Variants in FZD3 observed in about 807,000 individuals in gnomAD.
FZD3 encodes frizzled class receptor 3, also known as frizzled-3.
In FZD3, 30 loss-of-function variants were observed where a neutral mutation model predicts 60.7. That is an observed-to-expected ratio of 0.49 (90% confidence interval 0.37 to 0.67). FZD3 has a LOEUF of 0.67. Ranked by LOEUF, FZD3 falls within the 30% of genes least tolerant of loss-of-function variation. The probability of loss-of-function intolerance (pLI) is 0.00; values close to 1 mark genes in which losing one functional copy is unlikely to be tolerated. For missense variants in FZD3, 605 were observed against 838.7 expected (o/e 0.72, Z 3.44); for synonymous variants, 246 against 275.2 (o/e 0.89, Z 1.05).
At chr8:28,520,235 AGG>A (rs1189014550) in intron 3 of FZD3, among the ~76,000 whole-genome samples, 16 of 150,646 alleles carry the variant, frequency 1.1e-4, no homozygotes, top group East Asian at 3.9e-4. Context: ...AAAAAAAAAA[AGG>A]AAGAAAGAAA....
At chr8:28,512,347 G>A (rs1459077135) in intron 3 of FZD3, among the ~76,000 whole-genome samples, 1 of 152,102 alleles carries the variant, frequency 6.6e-6, no homozygotes, top group African/African-American at 2.4e-5. Flanking sequence ...AAGGTAGATA[G>A]CAAAACATTA....
At position 28,564,102 on chromosome 8, in the gene FZD3, A is replaced by G. The variant is rs1805662984; in HGVS notation, c.*1091A>G. The G allele has an allele frequency of 6.6e-6, 1 of 152,658 alleles. No homozygotes were observed. The allele number at this position is 152,658 out of a possible 1,614,324, so 9.5% of individuals were successfully genotyped here. ...TCATTCTTGTTTACAACTGAAATAT[A>G]TATAACCTCAGTCCAAAGTGGTGAT... is the stretch of plus-strand genomic sequence containing the variant. On this transcript the variant is annotated 3_prime_UTR_variant, in exon 8 of 8. Transcript: ENST00000240093.
chr8:28,502,604 T>C (rs372320983), intron 2 of FZD3, 66 bp from the exon 3 acceptor site: 2 of 154,190 alleles, frequency 1.3e-5, no homozygotes, highest in Admixed American at 1.3e-4. Flanking sequence ...ATTTTTAATG[T>C]CAAGTCCATA....
chr8:28,522,824 G>A (rs1310009392), intron 4 of FZD3, among the ~76,000 whole-genome samples: 1 of 139,262 alleles, frequency 7.2e-6, no homozygotes, highest in Non-Finnish European at 1.5e-5. Flanking sequence ...AGGCTGGAGT[G>A]CAGTGGCGTG....
chr8:28,555,011 G>A (rs910165215), intron 6 of FZD3, among the ~76,000 whole-genome samples: 8 of 151,892 alleles, frequency 5.3e-5, no homozygotes, highest in East Asian at 1.9e-4. Flanking sequence ...GTTCATCATC[G>A]TAAACCATCT....
Position 28,567,697 on chromosome 8 carries a change from TAC to T in FZD3, c.*4688_*4689del, listed in dbSNP as rs1161093015. 6.6e-6 allele frequency: 1 copy of T among 152,208 alleles called. No homozygotes were observed. The highest frequency in any genetic ancestry group is 1.5e-5 in the Non-Finnish European group (1 of 68,030). The allele number at this position is 152,208 out of a possible 1,614,324, so 9.4% of individuals were successfully genotyped here. ...GGCAATTAGACCAGTGTTCATTTGG[TAC>T]AGTCTTTAAATCGGTCATCCAATTA... On this transcript the variant is annotated 3_prime_UTR_variant, in exon 8 of 8. Coordinates refer to ENST00000240093, the MANE Select transcript of FZD3 (RefSeq NM_017412.4).
chr8:28,559,308 G>T (rs796472386), intron 7 of FZD3, among the ~76,000 whole-genome samples: 19 of 152,276 alleles, frequency 1.2e-4, no homozygotes, highest in African/African-American at 4.6e-4. Flanking sequence ...AATATTCACA[G>T]TAATAATAAT....
At chr8:28,524,702 C>T (rs1804670867) in intron 4 of FZD3, among the ~76,000 whole-genome samples, 1 of 152,086 alleles carries the variant, frequency 6.6e-6, no homozygotes, top group Non-Finnish European at 1.5e-5. Flanking sequence ...CTCATCTCAC[C>T]TATTTTAACT....
chr8:28,498,739 A>G (rs749717069), intron 1 of FZD3, among the ~76,000 whole-genome samples: 23 of 152,084 alleles, frequency 1.5e-4, no homozygotes, highest in Non-Finnish European at 2.8e-4. Flanking sequence ...TAATTTTTGT[A>G]TTTTTAGTAG....
At chr8:28,523,460 C>T (rs906378482) in intron 4 of FZD3, among the ~76,000 whole-genome samples, 34 of 152,164 alleles carry the variant, frequency 2.2e-4, no homozygotes, top group Non-Finnish European at 3.7e-4. Flanking sequence ...GATAGGATCT[C>T]GCTGTGTTGC....
At chr8:28,504,297 T>G (rs1804079496) in intron 3 of FZD3, among the ~76,000 whole-genome samples, 1 of 152,104 alleles carries the variant, frequency 6.6e-6, no homozygotes, top group Non-Finnish European at 1.5e-5. Context: ...GAGGTCTAAG[T>G]GGTTGAAGAG....
At chr8:28,550,132 G>C (rs943760095) in intron 5 of FZD3, among the ~76,000 whole-genome samples, 22 of 151,958 alleles carry the variant, frequency 1.4e-4, no homozygotes, top group African/African-American at 5.1e-4. Context: ...AAACTTTTGG[G>C]TCTAGTGCTT....
chr8:28,511,421 G>C (rs1208166288), intron 3 of FZD3, among the ~76,000 whole-genome samples: 1 of 152,196 alleles, frequency 6.6e-6, no homozygotes, highest in South Asian at 2.1e-4. Context: ...GGAGGCGGAG[G>C]TTGCAGTGAG....
At chr8:28,556,854 AG>A (rs898944484) in intron 7 of FZD3, among the ~76,000 whole-genome samples, 3 of 152,094 alleles carry the variant, frequency 2.0e-5, no homozygotes, top group African/African-American at 7.2e-5. Context: ...GTGGCTAGGG[AG>A]GGGGTTGGTT....
At chr8:28,536,125 A>C (rs1200283122) in intron 5 of FZD3, among the ~76,000 whole-genome samples, 2 of 152,220 alleles carry the variant, frequency 1.3e-5, no homozygotes, top group Non-Finnish European at 2.9e-5. Context: ...AACTCCTGTT[A>C]TTACAAGTAC....
intron 6 of FZD3, 102 bp downstream of exon 6, chr8:28,551,853 A>G (rs1805417865): frequency 1.1e-6 from 1 of 896,362 alleles, no homozygotes; most frequent in South Asian, 1.7e-5. Flanking sequence ...GAATTATTCA[A>G]ACAAGACTAA....
chr8:28,530,230 G>GT (rs1371082867), intron 5 of FZD3, among the ~76,000 whole-genome samples: 6 of 151,886 alleles, frequency 4.0e-5, no homozygotes, highest in Non-Finnish European at 7.4e-5. Context: ...GTATTAAACT[G>GT]TAAGCTGGAG....
chr8:28,532,258 A>G (rs1179367668), intron 5 of FZD3, among the ~76,000 whole-genome samples: 2 of 152,148 alleles, frequency 1.3e-5, no homozygotes, highest in African/African-American at 4.8e-5. Context: ...TATGAATTTT[A>G]AAATCAATTT....
chr8:28,498,446 A>G (rs1041046611), intron 1 of FZD3, among the ~76,000 whole-genome samples: 5 of 152,208 alleles, frequency 3.3e-5, no homozygotes, highest in African/African-American at 1.2e-4. Context: ...TGGAACTTCA[A>G]CTTACAGCTT....
Sources: allele counts gnomAD v4.1 joint callset (sites outside exome capture counted in the v4.1 genomes callset), GRCh38; gene constraint gnomAD v4.1.1; transcripts MANE v1.5; gene names NCBI Gene and HGNC (gene_info 2026-07-23, HGNC 2026-07-21).